PLA2G4A: variants seen among roughly 807,000 people sequenced by gnomAD.
The protein encoded by PLA2G4A is phospholipase A2 group IVA, also known as cytosolic phospholipase A2.
Under a neutral mutation model 81.9 loss-of-function variants are expected in PLA2G4A, and 40 were observed. The ratio of observed to expected loss-of-function variants is 0.49; its 90% CI spans 0.38 to 0.64. PLA2G4A has a LOEUF of 0.64. Ranked by LOEUF, PLA2G4A falls within the 30% of genes least tolerant of loss-of-function variation. The probability of loss-of-function intolerance (pLI) is 0.00; values close to 1 mark genes in which losing one functional copy is unlikely to be tolerated. For synonymous variants in PLA2G4A, 302 were observed against 296.9 expected, an observed-to-expected ratio of 1.02 and a Z score of -0.18; for missense variants, 715 against 905.1, an observed-to-expected ratio of 0.79 and a Z score of 2.69.
At chr1:186,903,516 G>T (rs1352044252) in intron 5 of PLA2G4A, among the ~76,000 whole-genome samples, 1 of 152,196 alleles carries the variant, frequency 6.6e-6, no homozygotes, top group Non-Finnish European at 1.5e-5. Context: ...AAGGAGCAAA[G>T]CTTCATCTGT....
intron 8 of PLA2G4A, among the ~76,000 whole-genome samples, chr1:186,937,593 G>T (rs1655998769): frequency 6.6e-6 from 1 of 151,300 alleles, no homozygotes; most frequent in East Asian, 1.9e-4. Context: ...ATCCATTGTG[G>T]GTCTGTTACC....
intron 5 of PLA2G4A, among the ~76,000 whole-genome samples, chr1:186,899,693 A>T (rs1410265363): frequency 3.9e-5 from 6 of 152,246 alleles, no homozygotes; most frequent in Non-Finnish European, 7.4e-5. Context: ...TGACCAGGTA[A>T]TGGGGAACTG....
At chr1:186,898,124 A>G (rs1050002699) in intron 5 of PLA2G4A, among the ~76,000 whole-genome samples, 1 of 152,192 alleles carries the variant, frequency 6.6e-6, no homozygotes, top group Non-Finnish European at 1.5e-5. Flanking sequence ...TATGGAAGCT[A>G]AATGATAATA....
At chr1:186,860,570 C>T (rs1652761626) in intron 2 of PLA2G4A, among the ~76,000 whole-genome samples, 1 of 152,112 alleles carries the variant, frequency 6.6e-6, no homozygotes, top group Non-Finnish European at 1.5e-5. Flanking sequence ...ATGGTAATGT[C>T]GTTTAGAAAT....
chr1:186,951,453 T>A (rs1571435353), intron 13 of PLA2G4A, among the ~76,000 whole-genome samples: 1 of 149,940 alleles, frequency 6.7e-6, no homozygotes, highest in Non-Finnish European at 1.5e-5. Context: ...TCCCAATAGT[T>A]AAAAAAAAGC....
In PLA2G4A at chr1:186,913,238, C is replaced by T. The variant is rs148637514; in HGVS notation, c.558+1849C>T. Among the ~76,000 whole-genome samples the T allele has an allele frequency of 2.8e-3, 427 of 151,208 alleles. 4 individuals carry two copies. The highest frequency in any genetic ancestry group is 0.018 in the Middle Eastern group (5 of 280). ...TTAAGTTGAAGAAATGATTTATAAT[C>T]CTAATTATGGAGAAATACTGGAATA... On this transcript the variant is annotated intron_variant, in intron 7 of 17. Coordinates refer to ENST00000367466, the MANE Select transcript of PLA2G4A (RefSeq NM_024420.3).
chr1:186,940,624 A>G (rs1025172389), intron 10 of PLA2G4A, among the ~76,000 whole-genome samples: 1 of 152,226 alleles, frequency 6.6e-6, no homozygotes, highest in Non-Finnish European at 1.5e-5. Flanking sequence ...TAGGTTATTT[A>G]CAATGCCTAA....
chr1:186,830,701 A>T (rs373592914), intron 1 of PLA2G4A, among the ~76,000 whole-genome samples: 3 of 151,876 alleles, frequency 2.0e-5, no homozygotes, highest in East Asian at 3.9e-4. Flanking sequence ...ATTATTAAAT[A>T]GATTTTTAGC....
chr1:186,839,710 CTA>C (rs1651909395), intron 1 of PLA2G4A, among the ~76,000 whole-genome samples: 1 of 152,034 alleles, frequency 6.6e-6, no homozygotes, highest in Non-Finnish European at 1.5e-5. Context: ...TCAGGATGTG[CTA>C]CATGTTCATT....
intron 3 of PLA2G4A, among the ~76,000 whole-genome samples, chr1:186,880,685 T>A (rs1479491594): frequency 6.6e-6 from 1 of 152,080 alleles, no homozygotes. Flanking sequence ...TAAATCCATA[T>A]AGCTAAAATG....
chr1:186,874,164 T>C (rs1315868228), intron 3 of PLA2G4A, among the ~76,000 whole-genome samples: 1 of 152,122 alleles, frequency 6.6e-6, no homozygotes, highest in African/African-American at 2.4e-5. Context: ...TAATGTGTGT[T>C]AAACTCTATA....
intron 1 of PLA2G4A, among the ~76,000 whole-genome samples, chr1:186,853,261 TAA>T (rs80039173): frequency 5.3e-5 from 8 of 151,438 alleles, no homozygotes; most frequent in Non-Finnish European, 1.0e-4. Flanking sequence ...CCCATTTTTT[TAA>T]AAAAAAATTT....
At chr1:186,912,750 GTA>G (rs1289818820) in intron 7 of PLA2G4A, among the ~76,000 whole-genome samples, 1 of 136,704 alleles carries the variant, frequency 7.3e-6, no homozygotes, top group Non-Finnish European at 1.5e-5. Flanking sequence ...ACATATATAT[GTA>G]TATATATACA....
intron 8 of PLA2G4A, among the ~76,000 whole-genome samples, chr1:186,933,795 G>A (rs971758400): frequency 6.6e-6 from 1 of 152,166 alleles, no homozygotes; most frequent in Non-Finnish European, 1.5e-5. Flanking sequence ...TGACTTAGAA[G>A]CCAAATGATT....
chr1:186,979,854 T>C (rs1225796224), intron 17 of PLA2G4A, among the ~76,000 whole-genome samples: 2 of 151,752 alleles, frequency 1.3e-5, no homozygotes, highest in African/African-American at 4.8e-5. Context: ...TGCAAAAATA[T>C]AACATGAATT....
At chr1:186,949,336 A>AAAG (rs1233006255) in intron 12 of PLA2G4A, among the ~76,000 whole-genome samples, 2,663 of 69,662 alleles carry the variant, frequency 0.038, 101 homozygotes, top group African/African-American at 0.078. Context: ...GGAAGGAAAG[A>AAAG]AGAAAGAAAG....
chr1:186,865,260 T>C (rs1652983940), intron 2 of PLA2G4A, among the ~76,000 whole-genome samples: 1 of 151,894 alleles, frequency 6.6e-6, no homozygotes. Context: ...ATTAGGTGTT[T>C]TGAGCATTGA....
At chr1:186,875,949 CA>C (rs1397212407) in intron 3 of PLA2G4A, among the ~76,000 whole-genome samples, 2 of 152,116 alleles carry the variant, frequency 1.3e-5, no homozygotes, top group African/African-American at 4.8e-5. Context: ...AATGTAAGCA[CA>C]AAACCAGGGT....
chr1:186,941,397 C>T (rs186253205), intron 10 of PLA2G4A, among the ~76,000 whole-genome samples: 2 of 152,228 alleles, frequency 1.3e-5, no homozygotes, highest in East Asian at 1.9e-4. Context: ...CACATGGGAT[C>T]CATTCATTCA....
Sources: allele counts gnomAD v4.1 joint callset (sites outside exome capture counted in the v4.1 genomes callset), GRCh38; gene constraint gnomAD v4.1.1; transcripts MANE v1.5; gene names NCBI Gene and HGNC (gene_info 2026-07-23, HGNC 2026-07-21).